Variants in TMEM164 observed in about 807,000 individuals in gnomAD.
TMEM164 encodes transmembrane protein 164.
A neutral mutation model predicts 18.8 loss-of-function variants in TMEM164; 4 were observed. The ratio of observed to expected loss-of-function variants is 0.21; its 90% CI spans 0.10 to 0.49. The LOEUF (loss-of-function observed/expected upper bound fraction) is 0.49. TMEM164 is among the 20% of genes least tolerant of loss of function. TMEM164 has a pLI of 0.98. For synonymous variants in TMEM164, 86 were observed against 101.7 expected (o/e 0.85, Z 0.93); for missense variants, 108 against 239.9 (o/e 0.45, Z 3.63).
At chrX:110,151,199 G>A (rs1052213262) in intron 5 of TMEM164, among the ~76,000 whole-genome samples, 7 of 112,157 alleles carry the variant, frequency 6.2e-5, no homozygotes, top group Non-Finnish European at 1.3e-4. Context: ...GAAGGAACTG[G>A]TACCTTTGCC....
chrX:110,050,025 A>C lies in TMEM164; in HGVS notation c.391-17322A>C, dbSNP rs758167366. On this transcript the variant is annotated intron_variant, in intron 2 of 6. Transcript: ENST00000372068. Reference sequence around the variant, plus strand: ...TGGCCAATGTAATGAATAATAAAGGAAATTCATTGAACACCGTTAAGAAAA... The same window carrying C: ...TGGCCAATGTAATGAATAATAAAGGCAATTCATTGAACACCGTTAAGAAAA... Among the ~76,000 whole-genome samples, 5 of 112,218 alleles carry C rather than the reference A, an allele frequency of 4.5e-5. No homozygotes were observed. The South Asian group carries it at 1.1e-3, about 25-fold the overall frequency.
At chrX:110,086,022 C>T (rs1472925329) in intron 3 of TMEM164, among the ~76,000 whole-genome samples, 1 of 112,072 alleles carries the variant, frequency 8.9e-6, no homozygotes, top group African/African-American at 3.2e-5. Flanking sequence ...CTCAATGTTT[C>T]CTATCTTCTT....
rs1205702018 is a variant in TMEM164 at position 110,176,539 on chromosome X, C to T, written c.*3088C>T. The T allele has an allele frequency of 4.8e-5, 17 of 352,843 alleles. No individual in the cohort carries two copies. Among genetic ancestry groups the T allele is most frequent in the Non-Finnish European group, 6.2e-5 (17 of 273,898 alleles). The allele number at this position is 352,843 out of a possible 1,213,427, so 29.1% of individuals were successfully genotyped here. A position where few individuals can be genotyped will look rare whatever the true frequency, so the allele number is the denominator to read the frequency against. On this transcript the variant is annotated 3_prime_UTR_variant, in exon 7 of 7. Transcript: ENST00000372068. ...AACCAGGGTGATCGGCGAACTTTAC[C>T]GTACAGTACCTCAGTCTAGCTGTCA...
chrX:110,003,486 T>A lies in TMEM164; in HGVS notation c.-274-15T>A. ...TGAGACCTCTTTTTTTTTTTTTTCCTCTCCTTCCTTTTAGATTGGCCAACG... is the reference window on the plus strand; with the variant it reads ...TGAGACCTCTTTTTTTTTTTTTTCCACTCCTTCCTTTTAGATTGGCCAACG... On this transcript the variant is annotated splice_polypyrimidine_tract_variant and intron_variant, in intron 1 of 6. Transcript: ENST00000372068. 1 of 237,342 alleles carries A rather than the reference T, an allele frequency of 4.2e-6. No homozygotes were observed. The highest frequency in any genetic ancestry group is 3.0e-5 in the African/African-American group (1 of 33,414). The allele number at this position is 237,342 out of a possible 1,213,427, so 19.6% of individuals were successfully genotyped here.
At chrX:110,047,685 T>C (rs1935373992) in intron 2 of TMEM164, among the ~76,000 whole-genome samples, 1 of 112,189 alleles carries the variant, frequency 8.9e-6, no homozygotes, top group Admixed American at 9.4e-5. Context: ...CTGTGTTTCA[T>C]TGCTTTCCAG....
chrX:110,012,799 A>G (rs1179446816), intron 2 of TMEM164, among the ~76,000 whole-genome samples: 4 of 112,456 alleles, frequency 3.6e-5, no homozygotes, highest in Admixed American at 1.9e-4. Flanking sequence ...ATGGGCATCA[A>G]GGCACTTGGA....
At chrX:110,133,203 T>G (rs1380508435) in intron 4 of TMEM164, among the ~76,000 whole-genome samples, 2 of 111,206 alleles carry the variant, frequency 1.8e-5, no homozygotes, top group Non-Finnish European at 3.8e-5. Flanking sequence ...CAGGCTGGAG[T>G]GTAATGGCAC....
In TMEM164 at chrX:110,042,205, C is replaced by T. The variant is rs867066660; in HGVS notation, c.391-25142C>T. Among the ~76,000 whole-genome samples the T allele has an allele frequency of 8.2e-5, 9 of 109,566 alleles. No homozygotes were observed. The South Asian group carries it at 1.6e-3, about 20-fold the overall frequency. On this transcript the variant is annotated intron_variant, in intron 2 of 6. Coordinates refer to ENST00000372068, the MANE Select transcript of TMEM164 (RefSeq NM_032227.4). Reference sequence around the variant, plus strand: ...CAATAACTTCCAATTCTTACCTTCCCCAGGCCCTGGTAACCACTGTTCTAC... The same window carrying T: ...CAATAACTTCCAATTCTTACCTTCCTCAGGCCCTGGTAACCACTGTTCTAC...
chrX:110,139,184 A>T (rs2066733600), intron 4 of TMEM164, among the ~76,000 whole-genome samples: 1 of 112,393 alleles, frequency 8.9e-6, no homozygotes, highest in Non-Finnish European at 1.9e-5. Context: ...ATCCAGTGAG[A>T]AAAACAGACA....
chrX:110,165,413 A>G (rs2067146787), intron 5 of TMEM164, among the ~76,000 whole-genome samples: 1 of 112,683 alleles, frequency 8.9e-6, no homozygotes, highest in Admixed American at 9.3e-5. Context: ...AACATTATTG[A>G]TCCTTTCCTT....
chrX:110,116,604 A>T (rs1472797228), intron 4 of TMEM164, among the ~76,000 whole-genome samples: 3 of 112,010 alleles, frequency 2.7e-5, no homozygotes, highest in Non-Finnish European at 3.8e-5. Context: ...AAATCACAAG[A>T]AGACACTGTT....
intron 3 of TMEM164, among the ~76,000 whole-genome samples, chrX:110,107,491 A>G (rs1293808898): frequency 1.8e-5 from 2 of 112,331 alleles, no homozygotes; most frequent in East Asian, 5.6e-4. Flanking sequence ...TATTAAGTGC[A>G]TACCATCGCT....
At chrX:110,033,631 A>G in intron 2 of TMEM164, among the ~76,000 whole-genome samples, 1 of 111,581 alleles carries the variant, frequency 9.0e-6, no homozygotes, top group Admixed American at 9.5e-5. Context: ...TCCTAAAGGT[A>G]AAACCAAACA....
At chrX:110,168,195 G>A (rs761461286) in intron 5 of TMEM164, among the ~76,000 whole-genome samples, 40 of 112,962 alleles carry the variant, frequency 3.5e-4, no homozygotes, top group Admixed American at 3.1e-3. Flanking sequence ...CTCTTCCCCT[G>A]TATGCCCACC....
intron 2 of TMEM164, among the ~76,000 whole-genome samples, chrX:110,061,796 G>T (rs1936134470): frequency 9.0e-6 from 1 of 111,276 alleles, no homozygotes; most frequent in African/African-American, 3.3e-5. Context: ...CACCAGAATG[G>T]GCGTTTAACC....
chrX:110,055,253 A>G (rs1196722057), intron 2 of TMEM164: 3 of 369,179 alleles, frequency 8.1e-6, no homozygotes, highest in East Asian at 1.6e-4. Context: ...CTCAGCGACA[A>G]CATAGTGATT....
At chrX:110,056,895 C>A (rs1935862412) in intron 2 of TMEM164, among the ~76,000 whole-genome samples, 1 of 108,939 alleles carries the variant, frequency 9.2e-6, no homozygotes, top group African/African-American at 3.3e-5. Flanking sequence ...TTTTTTAATA[C>A]TTTAGCTATT....
intron 4 of TMEM164, among the ~76,000 whole-genome samples, chrX:110,124,661 A>G (rs1441287734): frequency 8.9e-6 from 1 of 111,850 alleles, no homozygotes; most frequent in Non-Finnish European, 1.9e-5. Context: ...GTAGTGGATA[A>G]GAACAGGAGT....
At chrX:110,097,861 A>C (rs1425691114) in intron 3 of TMEM164, among the ~76,000 whole-genome samples, 2 of 112,520 alleles carry the variant, frequency 1.8e-5, no homozygotes, top group Admixed American at 1.9e-4. Flanking sequence ...TGAGTGTGAA[A>C]GCTGAGACTG....
Sources: gnomAD v4.1 joint callset for allele counts (sites outside exome capture counted in the v4.1 genomes callset) on GRCh38, gnomAD v4.1.1 for gene constraint, MANE v1.5 for transcripts, NCBI Gene and HGNC (gene_info 2026-07-23, HGNC 2026-07-21) for gene names.